USP14: variants seen among roughly 807,000 people sequenced by gnomAD.
USP14 encodes the protein ubiquitin carboxyl-terminal hydrolase 14.
USP14 carries 38 observed loss-of-function variants against 76.5 expected under a neutral mutation model. That is an observed-to-expected ratio of 0.50 (90% CI 0.38 to 0.65). The LOEUF is 0.65. USP14 is among the 30% of genes least tolerant of loss of function. USP14 has a pLI of 0.00. For missense variants in USP14, 467 were observed against 586.5 expected, an observed-to-expected ratio of 0.80 and a Z score of 2.10; for synonymous variants, 192 against 191.7, an observed-to-expected ratio of 1.00 and a Z score of -0.01.
intron 13 of USP14, among the ~76,000 whole-genome samples, chr18:204,965 C>T (rs1261529213): frequency 1.3e-5 from 2 of 151,662 alleles, no homozygotes; most frequent in Non-Finnish European, 2.9e-5. Context: ...GTCTCAACCT[C>T]CCAGGCGCAA....
At chr18:207,702 T>A (rs1221498145) in intron 13 of USP14, among the ~76,000 whole-genome samples, 1 of 105,942 alleles carries the variant, frequency 9.4e-6, no homozygotes, top group Non-Finnish European at 2.5e-5. Context: ...TATTAAGTCT[T>A]ACAATCCATA....
intron 5 of USP14, among the ~76,000 whole-genome samples, chr18:186,422 C>G (rs1909930933): frequency 2.0e-5 from 3 of 152,058 alleles, no homozygotes; most frequent in African/African-American, 2.4e-5. Flanking sequence ...TGCCACTGCA[C>G]TCCAGCCTGG....
intron 13 of USP14, among the ~76,000 whole-genome samples, chr18:205,800 C>T (rs1910513223): frequency 6.6e-6 from 1 of 152,026 alleles, no homozygotes; most frequent in South Asian, 2.1e-4. Flanking sequence ...ATTATACAAA[C>T]GAAATAAAAA....
At chr18:191,761 C>T (rs1489518363) in intron 5 of USP14, among the ~76,000 whole-genome samples, 3 of 152,144 alleles carry the variant, frequency 2.0e-5, no homozygotes, top group Admixed American at 6.5e-5. Context: ...CTGATTGCTC[C>T]ACAATCTTGC....
chr18:191,385 T>A (rs1910083595), intron 5 of USP14, among the ~76,000 whole-genome samples: 1 of 152,226 alleles, frequency 6.6e-6, no homozygotes, highest in African/African-American at 2.4e-5. Context: ...TCTTTCATAC[T>A]ACTTAACATA....
chr18:196,886 G>A (rs1032578509), intron 7 of USP14, 119 bp downstream of exon 7: 6 of 1,309,540 alleles, frequency 4.6e-6, no homozygotes, highest in African/African-American at 3.0e-5. Flanking sequence ...TTCATGCCAC[G>A]GCTGTCTCTT....
chr18:163,355 A>G lies in USP14; in HGVS notation c.64A>G (p.Thr22Ala). 1 of 1,613,998 alleles carries G rather than the reference A, an allele frequency of 6.2e-7. No individual in the cohort carries two copies. Among genetic ancestry groups the G allele is most frequent in the Non-Finnish European group, 8.5e-7 (1 of 1,179,950 alleles). ...GAAATTTGAAGGTGTAGAATTGAAT[A>G]CAGATGAACCTCCAATGGTATTCAA... ...KEKFEGVELN[T>A]DEPPMVFKAQ... The change falls in exon 2 of 16, where the codon ACA (threonine) becomes GCA (alanine). Residue 22 changes from threonine to alanine, a missense_variant. Transcript: ENST00000261601.
chr18:158,624 C>A lies in USP14; in HGVS notation c.-75C>A. 6.8e-7 allele frequency: 1 copy of A among 1,476,600 alleles called. No individual in the cohort carries two copies. Among genetic ancestry groups the A allele is most frequent in the African/African-American group, 1.5e-5 (1 of 68,266 alleles). The allele number at this position is 1,476,600 out of a possible 1,614,324, so 91.5% of individuals were successfully genotyped here. On this transcript the variant is annotated 5_prime_UTR_variant, in exon 1 of 16. An upstream open reading frame in the 5' UTR gains an earlier in-frame stop. Transcript: ENST00000261601. Reference sequence around the variant, plus strand: ...TCCGCCTCGGCCGCCGCCGCAGCTGCTCCTGGTCCCCGTCCCTTTGCCGCC... The same window carrying A: ...TCCGCCTCGGCCGCCGCCGCAGCTGATCCTGGTCCCCGTCCCTTTGCCGCC...
Position 209,998 on chromosome 18 carries a change from GAAGTT to G in USP14, c.1197_1201del (p.Lys400Ter), listed in dbSNP as rs780693975. ...TGACAAAAAGAGTAGTCCCCAGAAA[GAAGTT>G]AAGTATGAACCCTTTTCTTTTGCTG... On this transcript the variant is annotated frameshift_variant, in exon 14 of 16. Coordinates refer to ENST00000261601, the MANE Select transcript of USP14 (RefSeq NM_005151.4). LOFTEE classifies it high-confidence loss of function. 3.1e-6 allele frequency: 5 copies of G among 1,607,356 alleles called. No individual in the cohort carries two copies. The highest frequency in any genetic ancestry group is 2.2e-5 in the East Asian group (1 of 44,642).
chr18:196,898 C>G (rs1158305541), intron 7 of USP14, 131 bp downstream of exon 7: 2 of 1,170,980 alleles, frequency 1.7e-6, no homozygotes, highest in Middle Eastern at 2.5e-4. Context: ...CTGTCTCTTG[C>G]CTGGAGCCGC....
intron 6 of USP14, among the ~76,000 whole-genome samples, chr18:193,483 A>G (rs1190260403): frequency 8.5e-5 from 13 of 152,158 alleles, no homozygotes; most frequent in Admixed American, 6.5e-5. Flanking sequence ...TTTAAAGTGT[A>G]TAATTCATTG....
rs1056197587 is a variant in USP14, at chr18:211,954, G to A, written c.*670G>A. 1.3e-5 allele frequency: 2 copies of A among 152,098 alleles called. No homozygotes were observed. Among genetic ancestry groups the A allele is most frequent in the African/African-American group, 4.8e-5 (2 of 41,410 alleles). 9.4% of individuals were successfully genotyped at this position (152,098 alleles called of 1,614,324 possible). ...GTACATTTAACTTTGGAATGGCTTT[G>A]TAATAATCAGTCTTAAGAAAATGTT... On this transcript the variant is annotated 3_prime_UTR_variant, in exon 16 of 16. Coordinates refer to ENST00000261601, the MANE Select transcript of USP14 (RefSeq NM_005151.4).
In USP14 at chr18:214,584, CAA is replaced by C. The variant is rs1379246251; in HGVS notation, c.*3303_*3304del. On this transcript the variant is annotated 3_prime_UTR_variant, in exon 16 of 16. Coordinates refer to ENST00000261601, the MANE Select transcript of USP14 (RefSeq NM_005151.4). ...CCTCTTATCAAATGCTGCTTGGTAA[CAA>C]AATCTATCACAGTTTTAATAAAAAG... 4.6e-6 allele frequency: 7 copies of C among 1,525,454 alleles called. No homozygotes were observed. Among genetic ancestry groups the C allele is most frequent in the Non-Finnish European group, 6.2e-6 (7 of 1,124,102 alleles). The allele number at this position is 1,525,454 out of a possible 1,614,324, so 94.5% of individuals were successfully genotyped here.
At chr18:210,884 G>C (rs1377687321) in intron 15 of USP14, among the ~76,000 whole-genome samples, 3 of 152,158 alleles carry the variant, frequency 2.0e-5, no homozygotes, top group Admixed American at 6.5e-5. Context: ...GAAAATTCCA[G>C]AGTACACTTG....
rs376693202 is a variant in USP14, at chr18:214,515, A to G, written c.*3231A>G. The G allele has an allele frequency of 4.6e-6, 4 of 878,120 alleles. No individual in the cohort carries two copies. In the African/African-American group the frequency reaches 5.1e-5, roughly 11 times the overall value. 54.4% of individuals were successfully genotyped at this position (878,120 alleles called of 1,614,324 possible). A position where few individuals can be genotyped will look rare whatever the true frequency, so the allele number is the denominator to read the frequency against. On this transcript the variant is annotated 3_prime_UTR_variant, in exon 16 of 16. Coordinates refer to ENST00000261601, the MANE Select transcript of USP14 (RefSeq NM_005151.4). ...TTCTCAGAGCACCAGCCGACTGTACAACAATTGTTATAAAAATGTTTATTG... is the reference window on the plus strand; with the variant it reads ...TTCTCAGAGCACCAGCCGACTGTACGACAATTGTTATAAAAATGTTTATTG...
In USP14 at chr18:213,186, A is replaced by G. The variant is rs1307514215; in HGVS notation, c.*1902A>G. ...TTATTCATTGTCTCATTTGGTCAGA[A>G]CAATTTTATTGAGGACATGAATTTA... On this transcript the variant is annotated 3_prime_UTR_variant, in exon 16 of 16. Coordinates refer to ENST00000261601, the MANE Select transcript of USP14 (RefSeq NM_005151.4). 1 of 152,210 alleles carries G rather than the reference A, an allele frequency of 6.6e-6. No homozygotes were observed. The highest frequency in any genetic ancestry group is 2.4e-5 in the African/African-American group (1 of 41,450). The allele number at this position is 152,210 out of a possible 1,614,324, so 9.4% of individuals were successfully genotyped here.
At chr18:165,921 T>G (rs1351799349) in intron 2 of USP14, among the ~76,000 whole-genome samples, 1 of 151,988 alleles carries the variant, frequency 6.6e-6, no homozygotes, top group Non-Finnish European at 1.5e-5. Flanking sequence ...TAAAAGGGAG[T>G]AATATAGAAT....
At chr18:197,816 C>A in intron 8 of USP14, 120 bp downstream of exon 8, 1 of 745,210 alleles carries the variant, frequency 1.3e-6, no homozygotes, top group Non-Finnish European at 2.1e-6. Context: ...TATTTAAATA[C>A]TTTAGATGCT....
chr18:184,734 C>T (rs1174479723), intron 5 of USP14, among the ~76,000 whole-genome samples: 1 of 151,952 alleles, frequency 6.6e-6, no homozygotes, highest in Non-Finnish European at 1.5e-5. Context: ...TGCCACTGCA[C>T]TCCAGGCTGG....
Sources: gnomAD v4.1 joint callset for allele counts (sites outside exome capture counted in the v4.1 genomes callset) on GRCh38, gnomAD v4.1.1 for gene constraint, MANE v1.5 for transcripts, NCBI Gene and HGNC (gene_info 2026-07-23, HGNC 2026-07-21) for gene names.